The following GPC6 variants were observed in gnomAD, a reference collection of about 807,000 sequenced individuals.
GPC6 encodes the protein glypican 6.
Under a neutral mutation model 55.2 loss-of-function variants are expected in GPC6, and 14 were observed. That is an observed-to-expected ratio of 0.25 (90% CI 0.17 to 0.40). The LOEUF (loss-of-function observed/expected upper bound fraction) is 0.40, where lower values mean the gene tolerates loss of function less well. Ranked by LOEUF, GPC6 falls within the 10% of genes least tolerant of loss-of-function variation. The pLI is 1.00. For missense variants in GPC6, 641 were observed against 708.5 expected (o/e 0.90, Z 1.08); for synonymous variants, 278 against 259.6 (o/e 1.07, Z -0.68).
chr13:93,366,594 A>G (rs1881258026), intron 1 of GPC6, among the ~76,000 whole-genome samples: 1 of 152,100 alleles, frequency 6.6e-6, no homozygotes, highest in Non-Finnish European at 1.5e-5. Context: ...TTTCACTAAG[A>G]TGAATTTGTT....
intron 1 of GPC6, among the ~76,000 whole-genome samples, chr13:93,349,767 TA>T (rs1181376631): frequency 2.6e-5 from 4 of 152,200 alleles, no homozygotes; most frequent in Non-Finnish European, 5.9e-5. Context: ...ACACCAGTTT[TA>T]ATTTTTCCAT....
At chr13:94,283,504 T>C (rs1277512532) in intron 4 of GPC6, among the ~76,000 whole-genome samples, 2 of 152,258 alleles carry the variant, frequency 1.3e-5, no homozygotes, top group African/African-American at 4.8e-5. Flanking sequence ...TGGCTTTACC[T>C]GCATCCTGGC....
intron 1 of GPC6, among the ~76,000 whole-genome samples, chr13:93,448,088 C>T (rs1302775884): frequency 1.3e-5 from 2 of 151,996 alleles, no homozygotes; most frequent in African/African-American, 4.8e-5. Context: ...TGTATGATGG[C>T]TTTAGTTATA....
intron 1 of GPC6, among the ~76,000 whole-genome samples, chr13:93,357,243 T>C (rs2139172310): frequency 6.6e-6 from 1 of 152,332 alleles, no homozygotes; most frequent in East Asian, 1.9e-4. Context: ...CTGCAGGTTA[T>C]GTTAGCTTAT....
intron 4 of GPC6, among the ~76,000 whole-genome samples, chr13:94,082,075 A>G (rs1885120630): frequency 6.6e-6 from 1 of 151,890 alleles, no homozygotes; most frequent in South Asian, 2.1e-4. Flanking sequence ...TCCTGACCTC[A>G]GATGATCCAC....
intron 3 of GPC6, among the ~76,000 whole-genome samples, chr13:93,876,969 G>A (rs1381572887): frequency 6.6e-6 from 1 of 151,992 alleles, no homozygotes; most frequent in African/African-American, 2.4e-5. Flanking sequence ...AGTCTAAACT[G>A]TTGGTATATT....
intron 1 of GPC6, among the ~76,000 whole-genome samples, chr13:93,389,188 A>C (rs994750434): frequency 3.9e-5 from 6 of 152,106 alleles, no homozygotes; most frequent in African/African-American, 1.4e-4. Context: ...ACTGCTAGAA[A>C]TACTCGTGAC....
At chr13:94,323,024 G>C (rs1281339732) in intron 6 of GPC6, among the ~76,000 whole-genome samples, 1 of 152,108 alleles carries the variant, frequency 6.6e-6, no homozygotes, top group Non-Finnish European at 1.5e-5. Flanking sequence ...GCAAGTGAAG[G>C]TAGAGAGAGA....
chr13:93,365,427 C>T (rs1437337214), intron 1 of GPC6, among the ~76,000 whole-genome samples: 1 of 152,062 alleles, frequency 6.6e-6, no homozygotes, highest in African/African-American at 2.4e-5. Flanking sequence ...TTTGCCTTAA[C>T]AACAGCTCCA....
At chr13:93,612,224 G>A (rs112082080) in intron 2 of GPC6, among the ~76,000 whole-genome samples, 25 of 152,238 alleles carry the variant, frequency 1.6e-4, no homozygotes, top group Non-Finnish European at 3.1e-4. Context: ...GTTAGGCTGG[G>A]CGCGGTGGCT....
At chr13:93,683,046 A>AAAAG in intron 2 of GPC6, among the ~76,000 whole-genome samples, 1 of 152,144 alleles carries the variant, frequency 6.6e-6, no homozygotes, top group South Asian at 2.1e-4. Flanking sequence ...AAAGAAAAAG[A>AAAAG]AAAGAAAGAA....
intron 3 of GPC6, among the ~76,000 whole-genome samples, chr13:94,016,610 A>G (rs1417659596): frequency 1.3e-5 from 2 of 152,224 alleles, no homozygotes; most frequent in African/African-American, 2.4e-5. Flanking sequence ...CTTGAGGGAA[A>G]GCTGTTAGAA....
At chr13:93,330,071 G>C (rs1879793284) in intron 1 of GPC6, among the ~76,000 whole-genome samples, 6 of 152,280 alleles carry the variant, frequency 3.9e-5, no homozygotes, top group Admixed American at 3.9e-4. Flanking sequence ...TAAAGGAAGA[G>C]AAAAGCTCAT....
chr13:93,629,036 G>GAA (rs5805815), intron 2 of GPC6, among the ~76,000 whole-genome samples: 43,580 of 136,866 alleles, frequency 0.32, 7,507 homozygotes, highest in Middle Eastern at 0.49. Flanking sequence ...CTTCTAGCCA[G>GAA]AAAAAAAAAA....
chr13:93,989,198 G>T lies in GPC6; in HGVS notation c.712-38531G>T, dbSNP rs903180019. ...GATGCCTTCTCTCCTCTAACTCCCT[G>T]ACAAGTGTCCTTCTATGTAGTCCCT... On this transcript the variant is annotated intron_variant, in intron 3 of 8. Coordinates refer to ENST00000377047, the MANE Select transcript of GPC6 (RefSeq NM_005708.5). Among the ~76,000 whole-genome samples the T allele has an allele frequency of 3.3e-5, 5 of 152,262 alleles. 1 individual carries two copies. The highest frequency in any genetic ancestry group is 3.3e-4 in the Admixed American group (5 of 15,282).
At chr13:94,112,859 C>T (rs1014939222) in intron 4 of GPC6, among the ~76,000 whole-genome samples, 6 of 151,990 alleles carry the variant, frequency 3.9e-5, no homozygotes, top group African/African-American at 1.2e-4. Context: ...AGTTAAACTA[C>T]TGCTACCTAA....
At chr13:93,346,644 T>G (rs753678147) in intron 1 of GPC6, among the ~76,000 whole-genome samples, 1 of 152,178 alleles carries the variant, frequency 6.6e-6, no homozygotes, top group African/African-American at 2.4e-5. Context: ...AATAAATGAA[T>G]ACATGAACCT....
intron 3 of GPC6, among the ~76,000 whole-genome samples, chr13:93,911,508 A>G (rs186948816): frequency 1.3e-5 from 2 of 152,276 alleles, no homozygotes; most frequent in African/African-American, 4.8e-5. Context: ...GTGAGGCATG[A>G]TATTGAGATA....
At chr13:93,971,731 A>G (rs1423697554) in intron 3 of GPC6, among the ~76,000 whole-genome samples, 1 of 152,220 alleles carries the variant, frequency 6.6e-6, no homozygotes, top group Non-Finnish European at 1.5e-5. Context: ...GCTTTTCCTC[A>G]GCAAGCTTGC....
Sources: allele counts gnomAD v4.1 joint callset (sites outside exome capture counted in the v4.1 genomes callset), GRCh38; gene constraint gnomAD v4.1.1; transcripts MANE v1.5; gene names NCBI Gene and HGNC (gene_info 2026-07-23, HGNC 2026-07-21).